The following THSD7B variants were observed in gnomAD, a reference collection of about 807,000 sequenced individuals.
THSD7B encodes the protein thrombospondin type 1 domain containing 7B.
A neutral mutation model predicts 213.6 loss-of-function variants in THSD7B; 138 were observed. The ratio of observed to expected loss-of-function variants is 0.65; its 90% confidence interval spans 0.56 to 0.74. The LOEUF is 0.74. THSD7B is among the 30% of genes least tolerant of loss of function. The pLI, the probability that THSD7B is intolerant of heterozygous loss-of-function variation, is 0.00. For synonymous variants in THSD7B, 742 were observed against 687.0 expected, an observed-to-expected ratio of 1.08 and a Z score of -1.25; for missense variants, 1,931 against 1,991.5, an observed-to-expected ratio of 0.97 and a Z score of 0.58.
intron 4 of THSD7B, among the ~76,000 whole-genome samples, chr2:137,110,458 T>G (rs1377132974): frequency 1.3e-5 from 2 of 152,198 alleles, no homozygotes; most frequent in Non-Finnish European, 2.9e-5. Context: ...TTCCTGTGCA[T>G]CCAGTATTTG....
At chr2:136,852,304 C>CAAACAAAACAAAACAAAACA (rs70975718) in intron 1 of THSD7B, among the ~76,000 whole-genome samples, 7 of 148,638 alleles carry the variant, frequency 4.7e-5, no homozygotes, top group South Asian at 2.2e-4. Context: ...TGAAAGCTGG[C>CAAACAAAACAAAACAAAACA]AAACAAAACA....
At chr2:137,166,788 T>TA (rs1320018987) in intron 6 of THSD7B, among the ~76,000 whole-genome samples, 1 of 152,238 alleles carries the variant, frequency 6.6e-6, no homozygotes, top group Non-Finnish European at 1.5e-5. Flanking sequence ...GAGAAGTCTA[T>TA]AAAATCATTT....
At chr2:136,991,000 A>G (rs1685770753) in intron 2 of THSD7B, 2 of 1,231,250 alleles carry the variant, frequency 1.6e-6, no homozygotes, top group East Asian at 5.5e-5. Flanking sequence ...CTGCTGGCAC[A>G]GGTGAATACC....
At chr2:137,042,044 T>A (rs776115125) in intron 2 of THSD7B, among the ~76,000 whole-genome samples, 5 of 152,220 alleles carry the variant, frequency 3.3e-5, no homozygotes, top group Non-Finnish European at 7.3e-5. Flanking sequence ...TGGGATCTGA[T>A]CTCATGTCTC....
chr2:136,931,847 G>A (rs1397812702), intron 2 of THSD7B, among the ~76,000 whole-genome samples: 2 of 152,124 alleles, frequency 1.3e-5, no homozygotes, highest in Middle Eastern at 3.2e-3. Context: ...GGCACATTTA[G>A]TTCAGAGGTT....
intron 2 of THSD7B, among the ~76,000 whole-genome samples, chr2:136,888,063 G>A (rs947439397): frequency 2.6e-4 from 39 of 152,150 alleles, no homozygotes; most frequent in African/African-American, 8.7e-4. Context: ...GTGCTTTTAT[G>A]TTATACAATT....
chr2:137,245,119 T>A (rs76748205), intron 10 of THSD7B, among the ~76,000 whole-genome samples: 16 of 152,178 alleles, frequency 1.1e-4, no homozygotes, highest in Non-Finnish European at 4.4e-5. Flanking sequence ...AAACTTGCTT[T>A]AACGCTAGAT....
intron 2 of THSD7B, among the ~76,000 whole-genome samples, chr2:137,012,203 T>C (rs62173771): frequency 0.089 from 13,595 of 152,308 alleles, 623 homozygotes; most frequent in Middle Eastern, 0.12. Context: ...TCAGTACTGA[T>C]GGAACTGAGT....
At chr2:137,388,679 T>C (rs931689675) in intron 12 of THSD7B, among the ~76,000 whole-genome samples, 1 of 151,994 alleles carries the variant, frequency 6.6e-6, no homozygotes, top group Non-Finnish European at 1.5e-5. Flanking sequence ...CCCACACATA[T>C]CCTTCTCATC....
At chr2:137,435,517 C>A (rs560250234) in intron 14 of THSD7B, among the ~76,000 whole-genome samples, 30 of 152,164 alleles carry the variant, frequency 2.0e-4, no homozygotes, top group Non-Finnish European at 3.7e-4. Flanking sequence ...ATGTCCACTG[C>A]AGGGCTTTGA....
intron 15 of THSD7B, among the ~76,000 whole-genome samples, chr2:137,554,566 G>T (rs962408030): frequency 6.6e-6 from 1 of 152,178 alleles, no homozygotes; most frequent in African/African-American, 2.4e-5. Context: ...AAAGAGGGGA[G>T]GCGGTTCCAA....
intron 9 of THSD7B, among the ~76,000 whole-genome samples, chr2:137,240,564 G>T (rs1018113422): frequency 6.6e-6 from 1 of 151,986 alleles, no homozygotes; most frequent in Non-Finnish European, 1.5e-5. Flanking sequence ...GCTCTGGAGT[G>T]CAGGGGTATG....
At chr2:136,944,052 A>G (rs1224703477) in intron 2 of THSD7B, among the ~76,000 whole-genome samples, 1 of 152,052 alleles carries the variant, frequency 6.6e-6, no homozygotes, top group Non-Finnish European at 1.5e-5. Context: ...CACTGCTTTA[A>G]ATGTGTCTCT....
rs10192224 is a variant in THSD7B, at chr2:137,223,830, T to G, written c.1724-7214T>G. On this transcript the variant is annotated intron_variant, in intron 7 of 27. Coordinates refer to ENST00000409968, the MANE Select transcript of THSD7B (RefSeq NM_001316349.2). Reference sequence around the variant, plus strand: ...GGTGACTGGAACATGGAGGCGGATATTCCCCTTGCTCTTCTCTTGACTGTG... The same window carrying G: ...GGTGACTGGAACATGGAGGCGGATAGTCCCCTTGCTCTTCTCTTGACTGTG... 4.9e-3 allele frequency among the ~76,000 whole-genome samples: 745 copies of G among 152,126 alleles called. 7 individuals are homozygous for G. The highest frequency in any genetic ancestry group is 0.015 in the African/African-American group (618 of 41,426).
intron 1 of THSD7B, among the ~76,000 whole-genome samples, chr2:136,809,259 T>C (rs1336009225): frequency 6.6e-6 from 1 of 152,056 alleles, no homozygotes; most frequent in Non-Finnish European, 1.5e-5. Flanking sequence ...AGCAGGAATC[T>C]GGAAGTGGTG....
chr2:137,404,987 C>G (rs1242616945), intron 12 of THSD7B, among the ~76,000 whole-genome samples: 2 of 151,054 alleles, frequency 1.3e-5, no homozygotes, highest in Non-Finnish European at 2.9e-5. Context: ...ACCTGTACCC[C>G]AATAACTTAT....
chr2:137,164,094 G>A (rs529744660), intron 6 of THSD7B, among the ~76,000 whole-genome samples: 1 of 152,230 alleles, frequency 6.6e-6, no homozygotes, highest in Admixed American at 6.5e-5. Flanking sequence ...GACAAGTTAT[G>A]GGGCATGGGA....
intron 27 of THSD7B, among the ~76,000 whole-genome samples, chr2:137,671,173 C>CCTAT (rs1683563888): frequency 1.3e-5 from 2 of 150,966 alleles, no homozygotes; most frequent in Admixed American, 6.6e-5. Flanking sequence ...CATCCAAATA[C>CCTAT]CTATCTGCAT....
intron 15 of THSD7B, among the ~76,000 whole-genome samples, chr2:137,495,888 G>C (rs1679551494): frequency 6.6e-6 from 1 of 151,952 alleles, no homozygotes; most frequent in Non-Finnish European, 1.5e-5. Context: ...TACCCCCCTG[G>C]CAAGCCCGCT....
Sources: gnomAD v4.1 joint callset for allele counts (sites outside exome capture counted in the v4.1 genomes callset) on GRCh38, gnomAD v4.1.1 for gene constraint, MANE v1.5 for transcripts, NCBI Gene and HGNC (gene_info 2026-07-23, HGNC 2026-07-21) for gene names.